The following GSE1 variants were observed in gnomAD, a reference collection of about 807,000 sequenced individuals.
The protein encoded by GSE1 is Gse1 coiled-coil protein.
GSE1 carries 32 observed loss-of-function variants against 112.6 expected under a neutral mutation model. That is an observed-to-expected ratio of 0.28 (90% CI 0.21 to 0.38). The LOEUF is 0.38. Ranked by LOEUF, GSE1 falls within the 10% of genes least tolerant of loss-of-function variation. The pLI is 1.00. For missense variants in GSE1, 2,348 were observed against 1,699.2 expected (o/e 1.38, Z -6.71); for synonymous variants, 1,115 against 735.6 (o/e 1.52, Z -8.35).
At position 85,398,068 on chromosome 16, in the gene GSE1, C is replaced by T. The variant is rs138310476; in HGVS notation, c.2464+40425C>T. 1.9e-3 allele frequency among the ~76,000 whole-genome samples: 294 copies of T among 152,246 alleles called. 1 individual carries two copies. The highest frequency in any genetic ancestry group is 2.8e-3 in the Non-Finnish European group (193 of 68,004). The stretch of plus-strand genomic sequence containing the variant: ...GTGCAGGAGAGGACCCTAGGGAAGA[C>T]GCACCTTGGTATTCTGGGGTATCTT... On this transcript the variant is annotated intron_variant, in intron 2 of 2. Transcript: ENST00000637419.
At chr16:85,382,715 G>GCACA (rs112103997) in intron 2 of GSE1, among the ~76,000 whole-genome samples, 1 of 151,514 alleles carries the variant, frequency 6.6e-6, no homozygotes, top group Non-Finnish European at 1.5e-5. Flanking sequence ...CCTCACACAT[G>GCACA]CACACACACA....
At chr16:85,329,909 G>C (rs2046303513) in intron 1 of GSE1, among the ~76,000 whole-genome samples, 1 of 148,584 alleles carries the variant, frequency 6.7e-6, no homozygotes, top group Non-Finnish European at 1.5e-5. Context: ...CAAGGGGCTA[G>C]GGGGATGCAG....
At chr16:85,179,048 G>C (rs2074527491) in intron 1 of GSE1, among the ~76,000 whole-genome samples, 1 of 152,108 alleles carries the variant, frequency 6.6e-6, no homozygotes, top group Non-Finnish European at 1.5e-5. Context: ...AAAGTGTACA[G>C]TTCAGTGGGT....
chr16:85,603,933 C>G (rs2047572914), intron 1 of GSE1, among the ~76,000 whole-genome samples: 1 of 152,192 alleles, frequency 6.6e-6, no homozygotes, highest in South Asian at 2.1e-4. Flanking sequence ...TGGTCCAAAT[C>G]ATTTTCTTTT....
chr16:85,278,932 C>G (rs1056566287), intron 1 of GSE1: 1 of 158,492 alleles, frequency 6.3e-6, no homozygotes, highest in South Asian at 1.9e-4. Flanking sequence ...AGCAGACTTA[C>G]AGAGAGCTGC....
chr16:85,488,890 A>T (rs2050923345), intron 2 of GSE1, among the ~76,000 whole-genome samples: 1 of 152,084 alleles, frequency 6.6e-6, no homozygotes, highest in South Asian at 2.1e-4. Flanking sequence ...AGACCCCCCC[A>T]TTCTAACAGC....
chr16:85,399,281 C>A (rs78015819), intron 2 of GSE1, among the ~76,000 whole-genome samples: 13 of 151,704 alleles, frequency 8.6e-5, no homozygotes, highest in South Asian at 4.1e-4. Context: ...TCTGCTGGGC[C>A]CCCCCAGCAC....
chr16:85,634,157 G>C (rs773189258), intron 2 of GSE1, 25 bp downstream of exon 2: 2 of 1,395,244 alleles, frequency 1.4e-6, no homozygotes, highest in African/African-American at 1.5e-5. Flanking sequence ...CAGGCTGCGC[G>C]TGGGGGGAGC....
chr16:85,643,124 GTTAA>G (rs1335305933), intron 2 of GSE1, among the ~76,000 whole-genome samples: 2 of 152,222 alleles, frequency 1.3e-5, no homozygotes, highest in African/African-American at 2.4e-5. Flanking sequence ...GGTGTCAGCT[GTTAA>G]TTACATCTGC....
chr16:85,574,103 C>A (rs2046122250), intron 1 of GSE1, among the ~76,000 whole-genome samples: 1 of 152,182 alleles, frequency 6.6e-6, no homozygotes, highest in East Asian at 1.9e-4. Context: ...TGACAAGCAG[C>A]CCCCGGAGCC....
chr16:85,652,425 G>A lies in GSE1; in HGVS notation c.427-1853G>A, dbSNP rs1243373071. Among the ~76,000 whole-genome samples, 4 of 152,158 alleles carry A rather than the reference G, an allele frequency of 2.6e-5. No homozygotes were observed. The East Asian group carries it at 5.8e-4, about 22-fold the overall frequency. On this transcript the variant is annotated intron_variant, in intron 3 of 15. Coordinates refer to ENST00000253458, the MANE Select transcript of GSE1 (RefSeq NM_014615.5). The stretch of plus-strand genomic sequence containing the variant: ...GTGCCCATGTGTACCTCCCACCCTC[G>A]AGACCAGCACCCTGGAGAGGCAGGT...
In GSE1 at chr16:85,655,655, C is replaced by G. The variant is rs953094015; in HGVS notation, c.798-71C>G. 4 of 1,017,642 alleles carry G rather than the reference C, an allele frequency of 3.9e-6. No individual in the cohort carries two copies. The African/African-American group carries it at 6.4e-5, about 16-fold the overall frequency. 63.0% of individuals were successfully genotyped at this position (1,017,642 alleles called of 1,614,324 possible). ...GGCAGGTGTGTGTACCTGGCTGAGA[C>G]ACACCTGTCGACAGGGCTGGGTCTT... is the stretch of plus-strand genomic sequence containing the variant. On this transcript the variant is annotated intron_variant, in intron 5 of 15. Transcript: ENST00000253458.
chr16:85,544,016 G>A (rs2044613908), intron 2 of GSE1, among the ~76,000 whole-genome samples: 1 of 152,132 alleles, frequency 6.6e-6, no homozygotes, highest in South Asian at 2.1e-4. Flanking sequence ...TGTATTTTTT[G>A]TAGAGATGGG....
intron 2 of GSE1, among the ~76,000 whole-genome samples, chr16:85,399,007 A>G (rs1444913092): frequency 6.6e-6 from 1 of 151,902 alleles, no homozygotes; most frequent in Non-Finnish European, 1.5e-5. Flanking sequence ...TTGTGTAAGT[A>G]CTTGTGTGTG....
At chr16:85,662,932 G>A in intron 9 of GSE1, 49 bp from the exon 10 acceptor site, 2 of 1,306,600 alleles carry the variant, frequency 1.5e-6, no homozygotes, top group Non-Finnish European at 2.2e-6. Context: ...ATGTCCACTG[G>A]ACAGATGAAG....
chr16:85,558,573 G>C (rs2045350710), intron 1 of GSE1, among the ~76,000 whole-genome samples: 1 of 151,932 alleles, frequency 6.6e-6, no homozygotes, highest in African/African-American at 2.4e-5. Flanking sequence ...CCCCCAGTGG[G>C]TAGGCAGGAG....
chr16:85,645,626 G>A (rs1164464434), intron 2 of GSE1, among the ~76,000 whole-genome samples: 1 of 152,204 alleles, frequency 6.6e-6, no homozygotes, highest in Non-Finnish European at 1.5e-5. Context: ...AGGCCTCTGG[G>A]CACCCCCTGT....
At chr16:85,298,867 G>A (rs1205046026) in intron 1 of GSE1, among the ~76,000 whole-genome samples, 1 of 152,264 alleles carries the variant, frequency 6.6e-6, no homozygotes, top group Non-Finnish European at 1.5e-5. Flanking sequence ...GGGTGTGGGG[G>A]AGCATAGGCG....
At chr16:85,465,357 AC>A (rs1295599948) in intron 2 of GSE1, among the ~76,000 whole-genome samples, 2 of 152,148 alleles carry the variant, frequency 1.3e-5, no homozygotes, top group African/African-American at 2.4e-5. Context: ...ATGTAATAGA[AC>A]CATGAACAGC....
Sources: gnomAD v4.1 joint callset for allele counts (sites outside exome capture counted in the v4.1 genomes callset) on GRCh38, gnomAD v4.1.1 for gene constraint, MANE v1.5 for transcripts, NCBI Gene and HGNC (gene_info 2026-07-23, HGNC 2026-07-21) for gene names.